OPCML: variants seen among roughly 807,000 people sequenced by gnomAD.
The protein encoded by OPCML is opioid-binding protein/cell adhesion molecule.
Under a neutral mutation model 37.8 loss-of-function variants are expected in OPCML, and 13 were observed. The observed-to-expected ratio is 0.34, with a 90% CI of 0.22 to 0.55. The LOEUF (loss-of-function observed/expected upper bound fraction) is 0.55. Ranked by LOEUF, OPCML falls within the 20% of genes least tolerant of loss-of-function variation. OPCML has a pLI of 0.91. For synonymous variants in OPCML, 176 were observed against 168.8 expected (o/e 1.04, Z -0.33); for missense variants, 341 against 435.6 (o/e 0.78, Z 1.93).
At chr11:132,688,169 T>G (rs1252539308) in intron 2 of OPCML, among the ~76,000 whole-genome samples, 4 of 133,916 alleles carry the variant, frequency 3.0e-5, no homozygotes, top group East Asian at 2.0e-4. Context: ...GGAATCATGG[T>G]TTTTTTTTTT....
chr11:133,126,951 T>C (rs921215444), intron 1 of OPCML, among the ~76,000 whole-genome samples: 1 of 152,214 alleles, frequency 6.6e-6, no homozygotes, highest in Non-Finnish European at 1.5e-5. Flanking sequence ...TTCAGCATTC[T>C]GGCAGAGAAG....
chr11:133,380,239 G>A (rs1462750401), intron 1 of OPCML, among the ~76,000 whole-genome samples: 1 of 152,106 alleles, frequency 6.6e-6, no homozygotes, highest in Non-Finnish European at 1.5e-5. Context: ...GGTTTAAAGA[G>A]GTGAAATTTT....
At chr11:133,420,657 G>A in intron 1 of OPCML, 1 of 985,330 alleles carries the variant, frequency 1.0e-6, no homozygotes, top group Non-Finnish European at 1.2e-6. Flanking sequence ...AAGAAGTTTT[G>A]ATTCTAATCA....
intron 2 of OPCML, among the ~76,000 whole-genome samples, chr11:132,829,574 G>C (rs1940564664): frequency 6.6e-6 from 1 of 152,138 alleles, no homozygotes; most frequent in Non-Finnish European, 1.5e-5. Context: ...AAAGCAAAAT[G>C]GTCAGAGACC....
intron 1 of OPCML, among the ~76,000 whole-genome samples, chr11:133,075,899 A>AT (rs757501192): frequency 9.2e-5 from 14 of 152,064 alleles, no homozygotes; most frequent in South Asian, 2.1e-4. Flanking sequence ...GTCAGCCTGT[A>AT]TTTTTTTCCT....
chr11:132,420,815 G>A lies in OPCML; in HGVS notation c.917-522C>T, dbSNP rs371839802. Among the ~76,000 whole-genome samples the A allele has an allele frequency of 4.6e-5, 7 of 152,174 alleles. No individual in the cohort carries two copies. In the East Asian group the frequency reaches 1.2e-3, roughly 25 times the overall value. On this transcript the variant is annotated intron_variant, in intron 7 of 7. Coordinates refer to ENST00000524381, the MANE Select transcript of OPCML (RefSeq NM_001012393.5). Reference sequence around the variant, plus strand: ...AGGTGTTGTGGAGGCTCCTCCTGCAGCAGCTAAGGAAGGAGGAACAATCAT... The same window carrying A: ...AGGTGTTGTGGAGGCTCCTCCTGCAACAGCTAAGGAAGGAGGAACAATCAT...
chr11:133,126,029 C>CTA (rs1010553358), intron 1 of OPCML, among the ~76,000 whole-genome samples: 213 of 148,158 alleles, frequency 1.4e-3, no homozygotes, highest in African/African-American at 5.0e-3. Context: ...TATATATACA[C>CTA]TATATATATA....
intron 1 of OPCML, among the ~76,000 whole-genome samples, chr11:133,340,762 A>G (rs1006818148): frequency 2.0e-5 from 3 of 152,000 alleles, no homozygotes; most frequent in Non-Finnish European, 4.4e-5. Flanking sequence ...TGCTAGGTAG[A>G]GAGAGGCTTA....
chr11:132,713,988 A>T (rs1944370786), intron 2 of OPCML, among the ~76,000 whole-genome samples: 1 of 152,204 alleles, frequency 6.6e-6, no homozygotes, highest in African/African-American at 2.4e-5. Context: ...GTAATAGAGG[A>T]TGGGCTAATT....
intron 1 of OPCML, among the ~76,000 whole-genome samples, chr11:133,458,749 A>ATATATACACATAGATGCACGTGTGTGTG (rs1946779787): frequency 6.5e-5 from 2 of 30,910 alleles, no homozygotes; most frequent in African/African-American, 2.7e-4. Context: ...ACGTGTGTGT[A>ATATATACACATAGATGCACGTGTGTGTG]TATATACACA....
chr11:133,204,844 G>T, intron 1 of OPCML, among the ~76,000 whole-genome samples: 1 of 133,886 alleles, frequency 7.5e-6, no homozygotes, highest in East Asian at 2.6e-4. Flanking sequence ...GTATTATTGT[G>T]ATCTATTATA....
intron 7 of OPCML, among the ~76,000 whole-genome samples, chr11:132,424,491 G>A (rs573946585): frequency 3.9e-5 from 6 of 152,210 alleles, no homozygotes; most frequent in African/African-American, 9.6e-5. Flanking sequence ...AAAAGCCCAC[G>A]GGTTTGGAAG....
At chr11:132,472,582 G>C (rs1291613232) in intron 4 of OPCML, among the ~76,000 whole-genome samples, 1 of 152,230 alleles carries the variant, frequency 6.6e-6, no homozygotes, top group Non-Finnish European at 1.5e-5. Flanking sequence ...TGTAAAAGCA[G>C]CAAGGAAGCC....
chr11:132,847,239 A>G (rs901743850), intron 2 of OPCML, among the ~76,000 whole-genome samples: 2 of 152,208 alleles, frequency 1.3e-5, no homozygotes, highest in Admixed American at 6.5e-5. Flanking sequence ...TCGAAGCCAT[A>G]AATCTCTAAC....
At chr11:132,717,476 A>C (rs2135968325) in intron 2 of OPCML, among the ~76,000 whole-genome samples, 1 of 152,338 alleles carries the variant, frequency 6.6e-6, no homozygotes, top group African/African-American at 2.4e-5. Flanking sequence ...CACTGCCACT[A>C]TGCAAAGGAA....
chr11:132,868,296 ATTTTTTTTTT>A lies in OPCML; in HGVS notation c.146+74620_146+74629del, dbSNP rs67534174. ...CTAATATTTTTCCATTGAGGCTGTGATTTTTTTTTTTTTTTTTTTTTTTTTTTACAAAGGG... is the reference window on the plus strand; with the variant it reads ...CTAATATTTTTCCATTGAGGCTGTGATTTTTTTTTTTTTTTTTACAAAGGG... On this transcript the variant is annotated intron_variant, in intron 2 of 7. Coordinates refer to ENST00000524381, the MANE Select transcript of OPCML (RefSeq NM_001012393.5). Among the ~76,000 whole-genome samples the A allele has an allele frequency of 5.2e-4, 40 of 77,486 alleles. 1 individual carries two copies. In the South Asian group the frequency reaches 0.019, roughly 38 times the overall value. 50.8% of individuals were successfully genotyped at this position (77,486 alleles called of 152,430 possible).
intron 2 of OPCML, chr11:132,860,889 T>C (rs947649652): frequency 6.6e-6 from 1 of 152,240 alleles, no homozygotes; most frequent in Non-Finnish European, 1.5e-5. Context: ...AATACTTGTT[T>C]ACTCCTTTGA....
chr11:132,703,982 G>T (rs887808382), intron 2 of OPCML, among the ~76,000 whole-genome samples: 5 of 152,182 alleles, frequency 3.3e-5, no homozygotes, highest in African/African-American at 4.8e-5. Context: ...CATGGTGGAT[G>T]ACTTGGAACC....
intron 2 of OPCML, among the ~76,000 whole-genome samples, chr11:132,911,650 G>A (rs1944430348): frequency 6.6e-6 from 1 of 152,200 alleles, no homozygotes; most frequent in Admixed American, 6.5e-5. Flanking sequence ...CACATGCACT[G>A]AGGGGACCCT....
Sources: gnomAD v4.1 joint callset for allele counts (sites outside exome capture counted in the v4.1 genomes callset) on GRCh38, gnomAD v4.1.1 for gene constraint, MANE v1.5 for transcripts, NCBI Gene and HGNC (gene_info 2026-07-23, HGNC 2026-07-21) for gene names.